ATP8A2: variants seen among roughly 807,000 people sequenced by gnomAD.
The protein encoded by ATP8A2 is ATPase phospholipid transporting 8A2.
ATP8A2 carries 100 observed loss-of-function variants against 165.6 expected under a neutral mutation model. The observed-to-expected ratio is 0.60, with a 90% CI of 0.51 to 0.71. The LOEUF is 0.71. Ranked by LOEUF, ATP8A2 falls within the 30% of genes least tolerant of loss-of-function variation. ATP8A2 has a pLI of 0.00. For missense variants in ATP8A2, 1,227 were observed against 1,479.5 expected (o/e 0.83, Z 2.80); for synonymous variants, 543 against 548.8 (o/e 0.99, Z 0.15).
chr13:25,462,658 C>T (rs1168855244), intron 1 of ATP8A2, among the ~76,000 whole-genome samples: 2 of 152,184 alleles, frequency 1.3e-5, no homozygotes, highest in East Asian at 3.8e-4. Flanking sequence ...CTTTCCCCTT[C>T]CCAGAGGTTA....
chr13:25,603,609 G>A (rs1409837343), intron 24 of ATP8A2, among the ~76,000 whole-genome samples: 1 of 152,104 alleles, frequency 6.6e-6, no homozygotes, highest in Non-Finnish European at 1.5e-5. Flanking sequence ...AAGATGATGG[G>A]GGTGTTGGAG....
At chr13:25,927,116 A>T in intron 33 of ATP8A2, 1 of 456,582 alleles carries the variant, frequency 2.2e-6, no homozygotes, top group Non-Finnish European at 4.4e-6. Context: ...TGTAGCTCAC[A>T]TGCATGGTTT....
chr13:25,448,945 G>A (rs552777713), intron 1 of ATP8A2, among the ~76,000 whole-genome samples: 17 of 152,232 alleles, frequency 1.1e-4, no homozygotes, highest in East Asian at 5.8e-4. Context: ...GATTACAGGC[G>A]TGAGCCACCG....
At chr13:25,522,049 T>C (rs1239367922) in intron 2 of ATP8A2, among the ~76,000 whole-genome samples, 1 of 152,190 alleles carries the variant, frequency 6.6e-6, no homozygotes, top group Non-Finnish European at 1.5e-5. Context: ...GAATCTGTCA[T>C]TTGCTTTGGG....
intron 24 of ATP8A2, among the ~76,000 whole-genome samples, chr13:25,666,525 T>A (rs1391296775): frequency 6.6e-6 from 1 of 152,082 alleles, no homozygotes; most frequent in Non-Finnish European, 1.5e-5. Context: ...CAGGCGTGAG[T>A]CACCACGCCC....
intron 1 of ATP8A2, among the ~76,000 whole-genome samples, chr13:25,432,289 C>T (rs149552932): frequency 4.5e-4 from 69 of 152,296 alleles, no homozygotes; most frequent in African/African-American, 1.6e-3. Context: ...GCCAGTTTAC[C>T]TCGGAGGTCC....
At chr13:25,979,131 T>G (rs1956127683) in intron 35 of ATP8A2, among the ~76,000 whole-genome samples, 1 of 152,156 alleles carries the variant, frequency 6.6e-6, no homozygotes, top group Admixed American at 6.5e-5. Context: ...AAGCCAGCAC[T>G]TGGAAAGCCA....
At chr13:25,834,983 C>CAT (rs142576087) in intron 28 of ATP8A2, among the ~76,000 whole-genome samples, 3 of 149,536 alleles carry the variant, frequency 2.0e-5, no homozygotes, top group South Asian at 2.1e-4. Flanking sequence ...TGATCCCTAA[C>CAT]GTGTGTGTGT....
rs757432821 is a variant in ATP8A2, at chr13:25,907,056, C to T, written c.3183+44648C>T. Among the ~76,000 whole-genome samples, 190 of 152,252 alleles carry T rather than the reference C, an allele frequency of 1.2e-3. 2 individuals carry two copies. The highest frequency in any genetic ancestry group is 2.2e-3 in the Non-Finnish European group (152 of 68,020). On this transcript the variant is annotated intron_variant, in intron 33 of 36. Transcript: ENST00000381655. ...ACCAGCCTGGTCAACATGGTGAAAC[C>T]CCGTCTCTACCAAAAATGCAAAAAA...
rs550178516 is a variant in ATP8A2, at chr13:25,829,453, T to C, written c.2754+1261T>C. 1.0e-3 allele frequency among the ~76,000 whole-genome samples: 154 copies of C among 151,904 alleles called. 4 individuals carry two copies. The South Asian group carries it at 0.03, about 30-fold the overall frequency. ...TGTGTACTAAGGGGAGATCACAGAT[T>C]GCTAACTCTGTACCTCCTGAAACTA... On this transcript the variant is annotated intron_variant, in intron 28 of 36. Transcript: ENST00000381655.
intron 25 of ATP8A2, among the ~76,000 whole-genome samples, chr13:25,757,560 A>G (rs140236949): frequency 1.3e-3 from 202 of 151,912 alleles, no homozygotes; most frequent in African/African-American, 4.6e-3. Flanking sequence ...TTCTCTGCCA[A>G]GCTGCTTGCT....
rs147612975 is a variant in ATP8A2 at position 25,431,273 on chromosome 13, C to A, written c.77-37704C>A. Among the ~76,000 whole-genome samples, 739 of 152,172 alleles carry A rather than the reference C, an allele frequency of 4.9e-3. 5 individuals are homozygous for A. The highest frequency in any genetic ancestry group is 0.017 in the African/African-American group (714 of 41,506). On this transcript the variant is annotated intron_variant, in intron 1 of 36. Transcript: ENST00000381655. ...CAAGTGATTCTCCTGCCCAGCCTCC[C>A]GAGTAGCTGGGATTAGAGGCATGCG...
chr13:25,890,356 A>G (rs1051148034), intron 33 of ATP8A2, among the ~76,000 whole-genome samples: 2 of 152,184 alleles, frequency 1.3e-5, no homozygotes, highest in African/African-American at 4.8e-5. Flanking sequence ...TAAATACCTA[A>G]CAGAACGCCT....
chr13:25,696,049 G>T (rs1238762695), intron 24 of ATP8A2, among the ~76,000 whole-genome samples: 1 of 152,202 alleles, frequency 6.6e-6, no homozygotes, highest in Non-Finnish European at 1.5e-5. Flanking sequence ...TCCATGGGCT[G>T]CAGAATGGAT....
intron 24 of ATP8A2, among the ~76,000 whole-genome samples, chr13:25,603,738 G>A (rs189668229): frequency 1.1e-4 from 16 of 152,204 alleles, no homozygotes; most frequent in Admixed American, 8.5e-4. Flanking sequence ...GTTAAGACCC[G>A]AGGGGTTTGG....
intron 1 of ATP8A2, among the ~76,000 whole-genome samples, chr13:25,385,382 C>T (rs1267354049): frequency 6.6e-6 from 1 of 152,170 alleles, no homozygotes; most frequent in Non-Finnish European, 1.5e-5. Context: ...TTCGCTCAGC[C>T]TCACTTTCCT....
intron 25 of ATP8A2, among the ~76,000 whole-genome samples, chr13:25,715,001 G>A (rs2043227103): frequency 6.6e-6 from 1 of 152,060 alleles, no homozygotes; most frequent in Non-Finnish European, 1.5e-5. Flanking sequence ...GAAGAAGTTT[G>A]GATAAATGCT....
chr13:25,961,757 C>A, intron 34 of ATP8A2, 94 bp downstream of exon 34: 1 of 992,386 alleles, frequency 1.0e-6, no homozygotes. Context: ...ATGAGAATGA[C>A]AGGAATTCGG....
chr13:25,519,655 C>T (rs377678471), intron 2 of ATP8A2, among the ~76,000 whole-genome samples: 4 of 152,172 alleles, frequency 2.6e-5, no homozygotes, highest in African/African-American at 9.6e-5. Flanking sequence ...GGTCACTTAT[C>T]TCCAGCCCCC....
Sources: allele counts gnomAD v4.1 joint callset (sites outside exome capture counted in the v4.1 genomes callset), GRCh38; gene constraint gnomAD v4.1.1; transcripts MANE v1.5; gene names NCBI Gene and HGNC (gene_info 2026-07-23, HGNC 2026-07-21).